The following ABCC12 variants were observed in gnomAD, a reference collection of about 807,000 sequenced individuals.
ABCC12 encodes the protein ATP-binding cassette sub-family C member 12.
A neutral mutation model predicts 151.1 loss-of-function variants in ABCC12; 142 were observed. The ratio of observed to expected loss-of-function variants is 0.94; its 90% confidence interval spans 0.82 to 1.08. ABCC12 has a LOEUF of 1.08. ABCC12 is among the 50% of genes least tolerant of loss of function. The probability of loss-of-function intolerance (pLI) is 0.00; values close to 1 mark genes in which losing one functional copy is unlikely to be tolerated. For synonymous variants in ABCC12, 645 were observed against 646.4 expected (o/e 1.00, Z 0.03); for missense variants, 1,638 against 1,691.1 (o/e 0.97, Z 0.55).
intron 9 of ABCC12, 78 bp downstream of exon 9, chr16:48,133,609 G>C (rs1380977735): frequency 1.3e-6 from 2 of 1,525,154 alleles, no homozygotes; most frequent in Non-Finnish European, 8.9e-7. Context: ...AGTATTGAGC[G>C]ACGGTAGGAA....
intron 2 of ABCC12, among the ~76,000 whole-genome samples, chr16:48,151,932 G>A (rs1965122229): frequency 6.6e-6 from 1 of 152,198 alleles, no homozygotes; most frequent in South Asian, 2.1e-4. Context: ...GGACTTTTGT[G>A]GGAGGTGAGA....
At chr16:48,102,580 C>A (rs1013571238) in intron 22 of ABCC12, among the ~76,000 whole-genome samples, 1 of 152,130 alleles carries the variant, frequency 6.6e-6, no homozygotes, top group Non-Finnish European at 1.5e-5. Context: ...TGAAAGACAG[C>A]AGCAAGAGTC....
chr16:48,140,529 T>A (rs372558135), intron 6 of ABCC12, among the ~76,000 whole-genome samples, 158 bp downstream of exon 6: 10 of 152,084 alleles, frequency 6.6e-5, no homozygotes, highest in African/African-American at 2.4e-4. Context: ...TGGTGTTCTG[T>A]GTCTCCACCA....
chr16:48,099,206 T>C (rs936374221), intron 23 of ABCC12, among the ~76,000 whole-genome samples: 10 of 152,146 alleles, frequency 6.6e-5, no homozygotes, highest in African/African-American at 2.2e-4. Context: ...TCACTTGAGG[T>C]CAGGAGTTTG....
intron 11 of ABCC12, among the ~76,000 whole-genome samples, chr16:48,127,195 A>G (rs1964268464): frequency 6.6e-6 from 1 of 152,196 alleles, no homozygotes; most frequent in South Asian, 2.1e-4. Context: ...CTCCTTCTAT[A>G]GCGCTTGCAC....
In ABCC12 at chr16:48,101,037, G is replaced by T. The variant is rs547827994; in HGVS notation, c.2901-28C>A. 28 of 1,610,392 alleles carry T rather than the reference G, an allele frequency of 1.7e-5. No individual in the cohort carries two copies. In the Admixed American group the frequency reaches 2.0e-4, roughly 12 times the overall value. On this transcript the variant is annotated intron_variant, in intron 22 of 30. Coordinates refer to ENST00000311303, the MANE Select transcript of ABCC12 (RefSeq NM_001393797.1). ...GGAAGAAAATTGAAAGGGGCCAGGTGGGCCACAAAGTGAGGTCTCATCAGG... is the reference window on the plus strand; with the variant it reads ...GGAAGAAAATTGAAAGGGGCCAGGTTGGCCACAAAGTGAGGTCTCATCAGG...
At chr16:48,113,694 C>T (rs1204653416) in intron 15 of ABCC12, among the ~76,000 whole-genome samples, 3 of 152,190 alleles carry the variant, frequency 2.0e-5, no homozygotes, top group African/African-American at 7.2e-5. Context: ...GGCTACCTGC[C>T]TCTTCCAACT....
intron 13 of ABCC12, chr16:48,121,435 C>G: frequency 3.0e-6 from 1 of 330,964 alleles, no homozygotes; most frequent in Non-Finnish European, 5.6e-6. Flanking sequence ...ACCACATATG[C>G]CCTGTTGCAG....
At chr16:48,129,016 C>T (rs1293590587) in intron 10 of ABCC12, among the ~76,000 whole-genome samples, 4 of 152,194 alleles carry the variant, frequency 2.6e-5, no homozygotes, top group Non-Finnish European at 5.9e-5. Context: ...GTGCCCAAGA[C>T]AGTCGGTCTT....
At chr16:48,136,809 C>T (rs1379832022) in intron 8 of ABCC12, among the ~76,000 whole-genome samples, 3 of 152,126 alleles carry the variant, frequency 2.0e-5, no homozygotes, top group African/African-American at 4.8e-5. Context: ...GAGGCATGAA[C>T]GAGTGTGGCG....
At chr16:48,146,514 A>C in intron 2 of ABCC12, 40 bp from the exon 3 acceptor site, 3 of 1,049,262 alleles carry the variant, frequency 2.9e-6, no homozygotes, top group South Asian at 1.3e-5. Context: ...AGAGGTGAGG[A>C]TGTCTGATTG....
intron 2 of ABCC12, among the ~76,000 whole-genome samples, chr16:48,149,950 T>C (rs1041591465): frequency 2.0e-5 from 3 of 152,242 alleles, no homozygotes; most frequent in African/African-American, 4.8e-5. Context: ...TTGGCATATG[T>C]ATGGAGCACT....
Position 48,115,587 on chromosome 16 carries a change from C to T in ABCC12, c.1817G>A (p.Gly606Glu), listed in dbSNP as rs749872686. Residue 606 changes from glycine (G) to glutamate (E), a missense_variant, in exon 15 of 31, where the codon GGG (glycine) becomes GAG (glutamate). Physicochemically the swap from Gly to Glu is moderately conservative, Grantham distance 98. Coordinates refer to ENST00000311303, the MANE Select transcript of ABCC12 (RefSeq NM_001393797.1). ...GGCCAGGCTAATCCTCTGCCTCTGCCCCCCAGAGAGGTTGAGGCCCCGCTC... is the reference window on the plus strand; with the variant it reads ...GGCCAGGCTAATCCTCTGCCTCTGCTCCCCAGAGAGGTTGAGGCCCCGCTC... ...IGERGLNLSGGQRQRISLARA... is the reference protein window; with the variant it reads ...IGERGLNLSGEQRQRISLARA... 13 of 1,614,008 alleles carry T rather than the reference C, an allele frequency of 8.1e-6. No homozygotes were observed. Among genetic ancestry groups the T allele is most frequent in the Admixed American group, 1.7e-5 (1 of 60,010 alleles).
At chr16:48,126,116 T>C (rs1400837795) in intron 11 of ABCC12, among the ~76,000 whole-genome samples, 4 of 152,232 alleles carry the variant, frequency 2.6e-5, no homozygotes, top group Non-Finnish European at 5.9e-5. Context: ...CTATTCCATA[T>C]GTCAGTGACT....
At chr16:48,116,108 G>A (rs1963875096) in intron 14 of ABCC12, among the ~76,000 whole-genome samples, 1 of 152,216 alleles carries the variant, frequency 6.6e-6, no homozygotes, top group African/African-American at 2.4e-5. Flanking sequence ...GATAAGCCTT[G>A]ACTTCCTGGT....
chr16:48,133,351 G>A (rs556497410), intron 9 of ABCC12, among the ~76,000 whole-genome samples: 1 of 151,750 alleles, frequency 6.6e-6, no homozygotes, highest in Non-Finnish European at 1.5e-5. Context: ...GTGAAACCCC[G>A]GTCTCTACTA....
intron 5 of ABCC12, 101 bp from the exon 6 acceptor site, chr16:48,141,021 T>A (rs1964791803): frequency 7.1e-7 from 1 of 1,410,272 alleles, no homozygotes; most frequent in Non-Finnish European, 9.6e-7. Context: ...AGAGGCAAAC[T>A]TTTTAATTAA....
chr16:48,135,969 A>G (rs1351375239), intron 8 of ABCC12, among the ~76,000 whole-genome samples: 2 of 152,168 alleles, frequency 1.3e-5, no homozygotes, highest in Non-Finnish European at 2.9e-5. Flanking sequence ...CGTGATCACT[A>G]CATGCCAGGT....
chr16:48,130,297 TCTTC>T (rs1964376191), intron 10 of ABCC12, among the ~76,000 whole-genome samples: 1 of 152,226 alleles, frequency 6.6e-6, no homozygotes, highest in East Asian at 1.9e-4. Flanking sequence ...AAAGCCTCTC[TCTTC>T]CTTATATTTG....
Sources: allele counts gnomAD v4.1 joint callset (sites outside exome capture counted in the v4.1 genomes callset), GRCh38; gene constraint gnomAD v4.1.1; transcripts MANE v1.5; gene names NCBI Gene and HGNC (gene_info 2026-07-23, HGNC 2026-07-21).